Variants in DPYD observed in about 807,000 individuals in gnomAD.
DPYD encodes dihydropyrimidine dehydrogenase, also known as dihydropyrimidine dehydrogenase [NADP(+)].
DPYD carries 109 observed loss-of-function variants against 116.2 expected under a neutral mutation model. That is an observed-to-expected ratio of 0.94 (90% CI 0.80 to 1.10). DPYD has a LOEUF of 1.10. Ranked by LOEUF, DPYD falls within the 50% of genes least tolerant of loss-of-function variation. The pLI is 0.00. For missense variants in DPYD, 1,302 were observed against 1,254.5 expected, an observed-to-expected ratio of 1.04 and a Z score of -0.57; for synonymous variants, 440 against 432.0, an observed-to-expected ratio of 1.02 and a Z score of -0.23.
chr1:97,829,994 C>T (rs1329223549), intron 2 of DPYD, among the ~76,000 whole-genome samples: 2 of 151,774 alleles, frequency 1.3e-5, no homozygotes, highest in Non-Finnish European at 2.9e-5. Flanking sequence ...TGAGAACATG[C>T]TGTGTTCGGT....
At chr1:97,537,040 A>G (rs980906280) in intron 12 of DPYD, among the ~76,000 whole-genome samples, 3 of 152,254 alleles carry the variant, frequency 2.0e-5, no homozygotes, top group Non-Finnish European at 4.4e-5. Flanking sequence ...ATGTGAAATT[A>G]AAGTGATATT....
chr1:97,619,156 C>A (rs1274495500), intron 8 of DPYD, among the ~76,000 whole-genome samples: 2 of 152,154 alleles, frequency 1.3e-5, no homozygotes, highest in Non-Finnish European at 2.9e-5. Context: ...TTTACAAAAT[C>A]TTACATTCTA....
intron 1 of DPYD, among the ~76,000 whole-genome samples, chr1:97,918,377 C>T (rs1195560286): frequency 6.6e-6 from 1 of 152,036 alleles, no homozygotes; most frequent in Non-Finnish European, 1.5e-5. Context: ...GGCTCTGAAC[C>T]ACATTAATAT....
At chr1:97,184,686 T>C (rs1657878354) in intron 20 of DPYD, among the ~76,000 whole-genome samples, 1 of 152,174 alleles carries the variant, frequency 6.6e-6, no homozygotes, top group East Asian at 1.9e-4. Context: ...CAGTTCATTG[T>C]TCCAATTGTT....
At chr1:97,403,943 CT>C (rs1304560984) in intron 14 of DPYD, among the ~76,000 whole-genome samples, 2 of 151,840 alleles carry the variant, frequency 1.3e-5, no homozygotes, top group African/African-American at 4.8e-5. Flanking sequence ...ATAAATTGCC[CT>C]TTAAGTACTA....
chr1:97,256,442 G>T (rs1663471515), intron 18 of DPYD, among the ~76,000 whole-genome samples: 1 of 152,058 alleles, frequency 6.6e-6, no homozygotes, highest in South Asian at 2.1e-4. Flanking sequence ...ATGGGGGTGT[G>T]TCTTTCTCAT....
chr1:97,868,598 A>C (rs1671509338), intron 2 of DPYD, among the ~76,000 whole-genome samples: 1 of 151,746 alleles, frequency 6.6e-6, no homozygotes, highest in Non-Finnish European at 1.5e-5. Flanking sequence ...TCTCAAAATA[A>C]TGTAGTTAGA....
At chr1:97,720,818 A>G in intron 5 of DPYD, 1 of 1,585,102 alleles carries the variant, frequency 6.3e-7, no homozygotes, top group East Asian at 2.3e-5. Flanking sequence ...GATACATGGG[A>G]ATTAACCTGC....
intron 8 of DPYD, among the ~76,000 whole-genome samples, chr1:97,674,686 G>A (rs1372684481): frequency 2.0e-5 from 3 of 150,088 alleles, no homozygotes; most frequent in African/African-American, 7.3e-5. Context: ...CTATACCCAT[G>A]TCCAGCCCGT....
intron 10 of DPYD, among the ~76,000 whole-genome samples, chr1:97,578,653 G>A (rs1396680728): frequency 6.6e-6 from 1 of 152,182 alleles, no homozygotes; most frequent in Non-Finnish European, 1.5e-5. Context: ...TAATGAGACT[G>A]TATGATTCTA....
At chr1:97,656,775 G>C (rs1030018780) in intron 8 of DPYD, among the ~76,000 whole-genome samples, 1 of 150,920 alleles carries the variant, frequency 6.6e-6, no homozygotes, top group East Asian at 1.9e-4. Context: ...AATTTCCATC[G>C]ATAAATTGTA....
intron 19 of DPYD, among the ~76,000 whole-genome samples, chr1:97,202,720 A>T (rs1385004786): frequency 3.3e-5 from 5 of 152,212 alleles, no homozygotes; most frequent in African/African-American, 1.2e-4. Flanking sequence ...TGCAGGCGAG[A>T]CTGCCCTGCC....
At chr1:97,689,872 TAC>T (rs1213805171) in intron 7 of DPYD, among the ~76,000 whole-genome samples, 1 of 152,080 alleles carries the variant, frequency 6.6e-6, no homozygotes, top group East Asian at 1.9e-4. Flanking sequence ...GAATTGTATA[TAC>T]AGTTTATTGT....
intron 20 of DPYD, among the ~76,000 whole-genome samples, chr1:97,148,953 T>A (rs1297742207): frequency 6.6e-6 from 1 of 152,232 alleles, no homozygotes; most frequent in African/African-American, 2.4e-5. Context: ...AACAGAGTCT[T>A]TTGTACGCTT....
chr1:97,469,396 GCAAAAAAA>G (rs1302659560), intron 13 of DPYD, among the ~76,000 whole-genome samples: 37 of 8,512 alleles, frequency 4.3e-3, no homozygotes, highest in African/African-American at 0.017. Flanking sequence ...AGCTAAAATT[GCAAAAAAA>G]AAAAAAAAAA....
At chr1:97,264,162 G>GTTTTTT (rs71071641) in intron 18 of DPYD, among the ~76,000 whole-genome samples, 12 of 60,076 alleles carry the variant, frequency 2.0e-4, no homozygotes, top group South Asian at 5.9e-4. Flanking sequence ...GCAAAATTCT[G>GTTTTTT]TTTTTTTTTT....
rs564104691 is a variant in DPYD at position 97,792,439 on chromosome 1, G to A, written c.233+35675C>T. ...AATTTTTATATTTTTTAGTAGAGAC[G>A]GGGTTTCACCATGTTGGTCAGGCCG... is the stretch of plus-strand genomic sequence containing the variant. On this transcript the variant is annotated intron_variant, in intron 3 of 22. Transcript: ENST00000370192. Among the ~76,000 whole-genome samples, 8 of 151,960 alleles carry A rather than the reference G, an allele frequency of 5.3e-5. No homozygotes were observed. The South Asian group carries it at 6.2e-4, about 12-fold the overall frequency.
intron 14 of DPYD, among the ~76,000 whole-genome samples, chr1:97,399,015 C>G (rs534135386): frequency 5.1e-4 from 78 of 152,260 alleles, no homozygotes; most frequent in Non-Finnish European, 5.0e-4. Flanking sequence ...ACATGAAGTC[C>G]TTGTCCATGC....
intron 5 of DPYD, among the ~76,000 whole-genome samples, chr1:97,709,496 C>G (rs2100997935): frequency 6.6e-6 from 1 of 151,552 alleles, no homozygotes; most frequent in Non-Finnish European, 1.5e-5. Context: ...TGTATTCATC[C>G]TGTGATTTCT....
Sources: allele counts gnomAD v4.1 joint callset (sites outside exome capture counted in the v4.1 genomes callset), GRCh38; gene constraint gnomAD v4.1.1; transcripts MANE v1.5; gene names NCBI Gene and HGNC (gene_info 2026-07-23, HGNC 2026-07-21).